Variants in GABRB1 observed in about 807,000 individuals in gnomAD.
GABRB1 encodes gamma-aminobutyric acid type A receptor subunit beta1, also known as gamma-aminobutyric acid receptor subunit beta-1.
GABRB1 carries 17 observed loss-of-function variants against 51.6 expected under a neutral mutation model. The ratio of observed to expected loss-of-function variants is 0.33; its 90% confidence interval spans 0.23 to 0.49. GABRB1 has a LOEUF of 0.49. GABRB1 is among the 20% of genes least tolerant of loss of function. GABRB1 has a pLI of 0.99. For missense variants in GABRB1, 410 were observed against 600.6 expected (o/e 0.68, Z 3.32); for synonymous variants, 247 against 218.9 (o/e 1.13, Z -1.14).
At chr4:47,071,297 G>A (rs1459220908) in intron 3 of GABRB1, among the ~76,000 whole-genome samples, 3 of 152,184 alleles carry the variant, frequency 2.0e-5, no homozygotes, top group Non-Finnish European at 2.9e-5. Flanking sequence ...GCACAACAGA[G>A]CAGCCAGAGT....
At chr4:47,299,517 A>G (rs1353442154) in intron 4 of GABRB1, among the ~76,000 whole-genome samples, 1 of 152,224 alleles carries the variant, frequency 6.6e-6, no homozygotes, top group African/African-American at 2.4e-5. Flanking sequence ...CATCAGAGAA[A>G]TGCAAATCAA....
chr4:47,337,273 A>G (rs1191818460), intron 5 of GABRB1, among the ~76,000 whole-genome samples: 1 of 152,058 alleles, frequency 6.6e-6, no homozygotes, highest in East Asian at 1.9e-4. Flanking sequence ...ACAAAGAGTC[A>G]CTTCATATAA....
intron 3 of GABRB1, among the ~76,000 whole-genome samples, chr4:47,149,981 T>C (rs1577953004): frequency 6.6e-6 from 1 of 152,112 alleles, no homozygotes; most frequent in Admixed American, 6.6e-5. Context: ...TCTGTAAACC[T>C]GACTTTAAGG....
chr4:47,323,645 C>T (rs1025430827), intron 5 of GABRB1, among the ~76,000 whole-genome samples: 1 of 152,138 alleles, frequency 6.6e-6, no homozygotes, highest in Non-Finnish European at 1.5e-5. Context: ...TTGAACCAAT[C>T]GTACGTTTGT....
intron 1 of GABRB1, among the ~76,000 whole-genome samples, chr4:47,008,834 T>C (rs1577820689): frequency 7.1e-6 from 1 of 140,978 alleles, no homozygotes; most frequent in African/African-American, 2.6e-5. Flanking sequence ...GTTCACCCTG[T>C]CACGCTATCA....
chr4:47,266,799 G>A (rs1008416615), intron 4 of GABRB1, among the ~76,000 whole-genome samples: 1 of 151,998 alleles, frequency 6.6e-6, no homozygotes, highest in African/African-American at 2.4e-5. Flanking sequence ...GGGTCCATTT[G>A]GTTGAGGGTC....
intron 5 of GABRB1, among the ~76,000 whole-genome samples, chr4:47,324,553 C>G (rs1725185265): frequency 6.6e-6 from 1 of 152,170 alleles, no homozygotes. Flanking sequence ...TCTATTGCCT[C>G]AACTTCCTTT....
intron 4 of GABRB1, among the ~76,000 whole-genome samples, chr4:47,300,092 G>T (rs551536333): frequency 1.6e-5 from 2 of 121,460 alleles, no homozygotes; most frequent in African/African-American, 6.2e-5. Flanking sequence ...GACTGTTGTG[G>T]GGTGGGGGGA....
chr4:47,424,085 G>A (rs1375511175), intron 8 of GABRB1, among the ~76,000 whole-genome samples: 1 of 152,170 alleles, frequency 6.6e-6, no homozygotes, highest in Non-Finnish European at 1.5e-5. Flanking sequence ...AAAGGAGAGA[G>A]AGATGACAGA....
chr4:47,006,399 G>A (rs927235029), intron 1 of GABRB1, among the ~76,000 whole-genome samples: 1 of 152,046 alleles, frequency 6.6e-6, no homozygotes, highest in Non-Finnish European at 1.5e-5. Context: ...AATTAAAAAT[G>A]TTTTCAAAAC....
chr4:47,074,752 T>TA (rs1727479752), intron 3 of GABRB1, among the ~76,000 whole-genome samples: 1 of 152,134 alleles, frequency 6.6e-6, no homozygotes, highest in South Asian at 2.1e-4. Context: ...ATAGTTGTCA[T>TA]AAAAAGATGG....
chr4:47,019,151 A>ATC (rs1476737905), intron 1 of GABRB1, among the ~76,000 whole-genome samples: 1 of 152,138 alleles, frequency 6.6e-6, no homozygotes, highest in Non-Finnish European at 1.5e-5. Flanking sequence ...TCATCTGACT[A>ATC]ATGGTAACTT....
At chr4:47,217,135 C>G (rs913598042) in intron 4 of GABRB1, among the ~76,000 whole-genome samples, 1 of 151,496 alleles carries the variant, frequency 6.6e-6, no homozygotes, top group African/African-American at 2.4e-5. Context: ...ATAATAACAC[C>G]CTTGTTTATT....
At chr4:47,170,460 T>C (rs1718394107) in intron 4 of GABRB1, among the ~76,000 whole-genome samples, 1 of 151,706 alleles carries the variant, frequency 6.6e-6, no homozygotes, top group Non-Finnish European at 1.5e-5. Flanking sequence ...TTAAAGCAGT[T>C]TGGGGTCCTA....
intron 3 of GABRB1, among the ~76,000 whole-genome samples, chr4:47,130,518 C>T (rs866745790): frequency 3.9e-5 from 6 of 152,148 alleles, no homozygotes; most frequent in Non-Finnish European, 7.4e-5. Context: ...TGTATTTATT[C>T]TGGCTCTTCT....
At chr4:47,041,137 C>T (rs891897510) in intron 3 of GABRB1, among the ~76,000 whole-genome samples, 8 of 151,980 alleles carry the variant, frequency 5.3e-5, no homozygotes, top group Middle Eastern at 3.4e-3. Flanking sequence ...GAAATGAGAC[C>T]GGATATAACA....
At chr4:47,373,892 G>T (rs1727294463) in intron 5 of GABRB1, among the ~76,000 whole-genome samples, 1 of 152,156 alleles carries the variant, frequency 6.6e-6, no homozygotes, top group Non-Finnish European at 1.5e-5. Flanking sequence ...GTCAAGGAAG[G>T]TCTCTGTTTT....
chr4:47,132,813 G>A (rs147094034), intron 3 of GABRB1, among the ~76,000 whole-genome samples: 3 of 152,310 alleles, frequency 2.0e-5, no homozygotes, highest in African/African-American at 7.2e-5. Flanking sequence ...AGTCTCCAGT[G>A]CAATCATGAG....
chr4:47,005,310 C>T (rs969811834), intron 1 of GABRB1, among the ~76,000 whole-genome samples: 2 of 152,018 alleles, frequency 1.3e-5, no homozygotes, highest in Non-Finnish European at 2.9e-5. Flanking sequence ...CCCAGCTACT[C>T]GGGAGGCTGA....
Sources: gnomAD v4.1 joint callset for allele counts (sites outside exome capture counted in the v4.1 genomes callset) on GRCh38, gnomAD v4.1.1 for gene constraint, MANE v1.5 for transcripts, NCBI Gene and HGNC (gene_info 2026-07-23, HGNC 2026-07-21) for gene names.